Variants in PCDHGA8 observed in about 807,000 individuals in gnomAD.
The protein encoded by PCDHGA8 is protocadherin gamma subfamily A, 8.
In PCDHGA8, 45 loss-of-function variants were observed where a neutral mutation model predicts 59.2. The observed-to-expected ratio is 0.76, with a 90% CI of 0.60 to 0.98. The LOEUF is 0.98. Among genes scored for constraint, PCDHGA8 ranks in the 50% least tolerant of loss-of-function variants. PCDHGA8 has a pLI of 0.00. For missense variants in PCDHGA8, 1,257 were observed against 1,196.2 expected (o/e 1.05, Z -0.75); for synonymous variants, 531 against 519.0 (o/e 1.02, Z -0.32).
intron 1 of PCDHGA8, chr5:141,404,355 G>A (rs1170833341): frequency 6.2e-7 from 1 of 1,613,896 alleles, no homozygotes; most frequent in Admixed American, 1.7e-5. Flanking sequence ...AACGCCAGAG[G>A]TACTTCCATC....
chr5:141,397,332 A>G (rs1246653356), intron 1 of PCDHGA8, among the ~76,000 whole-genome samples: 1 of 152,234 alleles, frequency 6.6e-6, no homozygotes, highest in Non-Finnish European at 1.5e-5. Flanking sequence ...AATTATTTTT[A>G]TAAAGAATGT....
Position 141,487,193 on chromosome 5 carries a change from C to T in PCDHGA8, c.2425-7614C>T. 6.2e-7 allele frequency: 1 copy of T among 1,613,784 alleles called. No individual in the cohort carries two copies. Among genetic ancestry groups the T allele is most frequent in the Non-Finnish European group, 8.5e-7 (1 of 1,179,724 alleles). On this transcript the variant is annotated intron_variant, in intron 1 of 3. Transcript: ENST00000398604. The surrounding 1 kb of genome is among the most constrained non-coding windows in gnomAD (Gnocchi z 5.0). ...AGAGGAAGACACTCATCCAGTTGTC[C>T]CAGATCTTCGAGAATCTTCAGCTCC...
intron 1 of PCDHGA8, among the ~76,000 whole-genome samples, chr5:141,430,398 C>T (rs2097281985): frequency 6.7e-6 from 1 of 150,224 alleles, no homozygotes. Flanking sequence ...AAAAAAAAAG[C>T]TCACTAAAGT....
At chr5:141,461,989 A>G (rs2099028358) in intron 1 of PCDHGA8, among the ~76,000 whole-genome samples, 1 of 152,074 alleles carries the variant, frequency 6.6e-6, no homozygotes, top group African/African-American at 2.4e-5. Flanking sequence ...ACGCCAGGCT[A>G]ATTTTGTATT....
At chr5:141,398,949 C>G in intron 1 of PCDHGA8, 1 of 1,613,948 alleles carries the variant, frequency 6.2e-7, no homozygotes, top group Non-Finnish European at 8.5e-7. Context: ...AGGGCATCAA[C>G]TCAGAAATTA....
chr5:141,422,409 A>G, intron 1 of PCDHGA8: 1 of 1,601,728 alleles, frequency 6.2e-7, no homozygotes. Flanking sequence ...TGCCTTTTAA[A>G]TTAGAAAAGA....
chr5:141,401,506 C>A (rs2094161695), intron 1 of PCDHGA8, among the ~76,000 whole-genome samples: 1 of 152,126 alleles, frequency 6.6e-6, no homozygotes, highest in Non-Finnish European at 1.5e-5. Flanking sequence ...CCTTTTCCAC[C>A]TCTATATAAT....
intron 3 of PCDHGA8, among the ~76,000 whole-genome samples, chr5:141,510,531 T>C (rs1459536719): frequency 6.6e-6 from 1 of 152,078 alleles, no homozygotes; most frequent in Non-Finnish European, 1.5e-5. Context: ...CTGAGAGAAA[T>C]ACCAGCGAAT....
At chr5:141,504,709 C>G (rs11743102) in intron 2 of PCDHGA8, among the ~76,000 whole-genome samples, 29,287 of 151,306 alleles carry the variant, frequency 0.19, 2,876 homozygotes, top group Middle Eastern at 0.24. Context: ...CTTCTATGGC[C>G]GTGGATTTTA....
At chr5:141,419,877 C>T in intron 1 of PCDHGA8, 3 of 1,614,062 alleles carry the variant, frequency 1.9e-6, no homozygotes, top group Non-Finnish European at 8.5e-7. Flanking sequence ...GAGGTACTGC[C>T]GGATTTCAGC....
In PCDHGA8 at chr5:141,477,928, C is replaced by T; in HGVS notation, c.2425-16879C>T. On this transcript the variant is annotated intron_variant, in intron 1 of 3. Coordinates refer to ENST00000398604, the MANE Select transcript of PCDHGA8 (RefSeq NM_032088.2). This position sits in a 1 kb window ranked among gnomAD's most constrained non-coding sequence, Gnocchi z 4.9. ...GGGACGCGGATGCAGGGCACAATGC[C>T]TGGCTCTCCTACAGTCTCTTGGGAT... The T allele has an allele frequency of 6.2e-7, 1 of 1,614,186 alleles. No individual in the cohort carries two copies.
intron 3 of PCDHGA8, among the ~76,000 whole-genome samples, chr5:141,509,751 A>T (rs1430265981): frequency 6.6e-6 from 1 of 151,998 alleles, no homozygotes; most frequent in Admixed American, 6.5e-5. Flanking sequence ...CCTGTGCCTA[A>T]AGTGTCCCTG....
At chr5:141,495,164 C>T (rs1326419591) in intron 2 of PCDHGA8, among the ~76,000 whole-genome samples, 4 of 152,198 alleles carry the variant, frequency 2.6e-5, no homozygotes, top group Admixed American at 1.3e-4. Context: ...AAGCTGGTCT[C>T]TGGGTGAAAG....
At position 141,471,055 on chromosome 5, in the gene PCDHGA8, T is replaced by C. The variant is rs1229791864; in HGVS notation, c.2425-23752T>C. Reference sequence around the variant, plus strand: ...AACAAGCCCAAGCCCTCTTTTTTTTTTTTTTTTTTTTGAGACAGGGTCTCC... The same window carrying C: ...AACAAGCCCAAGCCCTCTTTTTTTTCTTTTTTTTTTTGAGACAGGGTCTCC... On this transcript the variant is annotated intron_variant, in intron 1 of 3. Coordinates refer to ENST00000398604, the MANE Select transcript of PCDHGA8 (RefSeq NM_032088.2). Among the ~76,000 whole-genome samples the C allele has an allele frequency of 1.7e-4, 25 of 148,764 alleles. 2 individuals are homozygous for C. The Admixed American group carries it at 1.7e-3, about 10-fold the overall frequency.
At chr5:141,427,780 T>C (rs2097069858) in intron 1 of PCDHGA8, 1 of 1,456,004 alleles carries the variant, frequency 6.9e-7, no homozygotes. Flanking sequence ...CTGCGGGCAC[T>C]GTCGTCCTAC....
At chr5:141,466,022 T>C (rs1053231186) in intron 1 of PCDHGA8, among the ~76,000 whole-genome samples, 4 of 151,628 alleles carry the variant, frequency 2.6e-5, no homozygotes, top group African/African-American at 9.7e-5. Flanking sequence ...CTCGGGAGGG[T>C]GAGGCAGGAG....
At chr5:141,409,438 A>C (rs1459982502) in intron 1 of PCDHGA8, 1 of 1,613,866 alleles carries the variant, frequency 6.2e-7, no homozygotes, top group Non-Finnish European at 8.5e-7. Context: ...CCCTGGACCG[A>C]GAGCAGACAC....
In PCDHGA8 at chr5:141,476,656, T is replaced by A. The variant is rs190269177; in HGVS notation, c.2425-18151T>A. 6.2e-7 allele frequency: 1 copy of A among 1,614,210 alleles called. No individual in the cohort carries two copies. The highest frequency in any genetic ancestry group is 1.3e-5 in the African/African-American group (1 of 75,064). ...ATGAGCTGAGCCGAAATGAATACTTTGCGCTTCGCGTGCAGACGCGGGAGG... is the reference window on the plus strand; with the variant it reads ...ATGAGCTGAGCCGAAATGAATACTTAGCGCTTCGCGTGCAGACGCGGGAGG... On this transcript the variant is annotated intron_variant, in intron 1 of 3. Coordinates refer to ENST00000398604, the MANE Select transcript of PCDHGA8 (RefSeq NM_032088.2). This position sits in a 1 kb window ranked among gnomAD's most constrained non-coding sequence, Gnocchi z 7.6.
chr5:141,455,388 A>C (rs1415223043), intron 1 of PCDHGA8, among the ~76,000 whole-genome samples: 1 of 152,086 alleles, frequency 6.6e-6, no homozygotes, highest in Non-Finnish European at 1.5e-5. Context: ...AGAAGGAAGG[A>C]GCTCCCCCTT....
Sources: allele counts gnomAD v4.1 joint callset (sites outside exome capture counted in the v4.1 genomes callset), GRCh38; gene constraint gnomAD v4.1.1; non-coding constraint Gnocchi (gnomAD v3.1); transcripts MANE v1.5; gene names NCBI Gene and HGNC (gene_info 2026-07-23, HGNC 2026-07-21).